Variants in HLA-DQA1 observed in about 807,000 individuals in gnomAD.
HLA-DQA1 encodes HLA class II histocompatibility antigen, DQ alpha 1 chain.
HLA-DQA1 carries 10 observed loss-of-function variants against 20.7 expected under a neutral mutation model. The ratio of observed to expected loss-of-function variants is 0.48; its 90% CI spans 0.30 to 0.82. HLA-DQA1 has a LOEUF of 0.82. Ranked by LOEUF, HLA-DQA1 falls within the 40% of genes least tolerant of loss-of-function variation. The pLI is 0.07. For synonymous variants in HLA-DQA1, 39 were observed against 109.2 expected (o/e 0.36, Z 4.01); for missense variants, 127 against 293.0 (o/e 0.43, Z 4.14).
the HLA-DQA1 span, among the ~76,000 whole-genome samples, chr6:32,652,666 A>G: frequency 6.9e-6 from 1 of 145,670 alleles, no homozygotes; most frequent in Admixed American, 7.1e-5. Flanking sequence ...ACGATATTGA[A>G]AAAAGGGTGC....
downstream of HLA-DQA1, among the ~76,000 whole-genome samples, chr6:32,651,374 G>A (rs1460389201): frequency 1.2e-5 from 1 of 82,658 alleles, no homozygotes; most frequent in African/African-American, 4.2e-5. Context: ...CATTAGGTCA[G>A]GAGATCAAGA....
At chr6:32,647,980 A>C (rs1226430634), downstream of HLA-DQA1, among the ~76,000 whole-genome samples, 5 of 150,604 alleles carry the variant, frequency 3.3e-5, no homozygotes, top group Non-Finnish European at 7.4e-5. Flanking sequence ...CAAACATGTA[A>C]TTACAAACTC....
downstream of HLA-DQA1, among the ~76,000 whole-genome samples, chr6:32,648,481 G>A (rs1404638162): frequency 1.9e-4 from 18 of 96,618 alleles, 7 homozygotes; most frequent in African/African-American, 5.4e-4. Flanking sequence ...TTCAACATAC[G>A]CAAATCAATA....
At chr6:32,640,985 T>C (rs80154958) in intron 1 of HLA-DQA1, among the ~76,000 whole-genome samples, 3,128 of 108,510 alleles carry the variant, frequency 0.029, 800 homozygotes, top group Middle Eastern at 0.071. Context: ...CTAAATACTA[T>C]GATAACTCAT....
chr6:32,642,533 C>A, intron 3 of HLA-DQA1, 77 bp from the exon 4 acceptor site: 2 of 1,237,486 alleles, frequency 1.6e-6, no homozygotes, highest in Non-Finnish European at 2.3e-6. Flanking sequence ...CAGAGCCAAC[C>A]CTCTACCCCA....
At chr6:32,652,229 C>G in the HLA-DQA1 span, among the ~76,000 whole-genome samples, 4 of 83,590 alleles carry the variant, frequency 4.8e-5, 2 homozygotes, top group Non-Finnish European at 1.0e-4. Context: ...TGCAGTGAGC[C>G]GAGATCATGC....
At chr6:32,654,099 C>T in the HLA-DQA1 span, among the ~76,000 whole-genome samples, 10,149 of 70,266 alleles carry the variant, frequency 0.14, 3,592 homozygotes, top group East Asian at 0.41. Flanking sequence ...GGTTGAGCCT[C>T]GTTCAAGACC....
downstream of HLA-DQA1, among the ~76,000 whole-genome samples, chr6:32,650,477 A>G (rs1490090170): frequency 1.0e-5 from 1 of 96,384 alleles, no homozygotes; most frequent in African/African-American, 3.6e-5. Flanking sequence ...TAGACTGGAT[A>G]AAGAAAATGT....
chr6:32,640,324 T>A (rs1781275937), intron 1 of HLA-DQA1, among the ~76,000 whole-genome samples: 1 of 100,494 alleles, frequency 1.0e-5, no homozygotes, highest in Non-Finnish European at 2.2e-5. Context: ...TCTCCGGCTA[T>A]GTCTGACACT....
rs9272785 is a variant in HLA-DQA1, at chr6:32,642,624, G to A, written c.628G>A (p.Ala210Thr). The change falls in exon 4 of 5, where the codon GCC (alanine) becomes ACC (threonine). Residue 210 changes from alanine to threonine, a missense_variant. Physicochemically the swap from Ala to Thr is moderately conservative, Grantham distance 58. Coordinates refer to ENST00000343139, the MANE Select transcript of HLA-DQA1 (RefSeq NM_002122.5). ...LLKHWEPEIP[A>T]PMSELTETVV... is the part of the protein sequence containing the mutation. ...CACTTCCACAGAGCCTGAGATTCCA[G>A]CCCCTATGTCAGAGCTCACAGAGAC... 0.11 allele frequency: 130,993 copies of A among 1,189,734 alleles called. 26,215 individuals are homozygous for A. The highest frequency in any genetic ancestry group is 0.25 in the East Asian group (7,302 of 29,314). The allele number at this position is 1,189,734 out of a possible 1,614,324, so 73.7% of individuals were successfully genotyped here.
At chr6:32,652,429 C>T in the HLA-DQA1 span, among the ~76,000 whole-genome samples, 17,266 of 80,750 alleles carry the variant, frequency 0.21, 4,144 homozygotes, top group South Asian at 0.26. Flanking sequence ...TAAAGTGAAA[C>T]TGTTAATCAG....
the HLA-DQA1 span, among the ~76,000 whole-genome samples, chr6:32,652,117 A>G: frequency 5.3e-5 from 5 of 93,664 alleles, 2 homozygotes; most frequent in South Asian, 1.7e-3. Context: ...CGTCTCTACT[A>G]AAAATACAAA....
downstream of HLA-DQA1, among the ~76,000 whole-genome samples, chr6:32,647,869 G>C (rs1178454363): frequency 6.6e-6 from 1 of 151,870 alleles, no homozygotes; most frequent in Non-Finnish European, 1.5e-5. Context: ...ACAATACTTT[G>C]TTATGAGTAT....
chr6:32,642,896 G>A lies in HLA-DQA1; in HGVS notation c.*21-56G>A, dbSNP rs1329910549. On this transcript the variant is annotated intron_variant, in intron 4 of 4. Coordinates refer to ENST00000343139, the MANE Select transcript of HLA-DQA1 (RefSeq NM_002122.5). Reference sequence around the variant, plus strand: ...TTGTAGGGGAATTGGGAAGTGGCATGATGATGACACAGGAGCCCCCTCGGA... The same window carrying A: ...TTGTAGGGGAATTGGGAAGTGGCATAATGATGACACAGGAGCCCCCTCGGA... The A allele has an allele frequency of 2.6e-6, 2 of 776,218 alleles. 1 individual carries two copies. The highest frequency in any genetic ancestry group is 3.9e-5 in the African/African-American group (2 of 51,242). The allele number at this position is 776,218 out of a possible 1,614,324, so 48.1% of individuals were successfully genotyped here.
downstream of HLA-DQA1, among the ~76,000 whole-genome samples, chr6:32,647,681 G>A (rs17612576): frequency 0.57 from 85,987 of 151,358 alleles, 24,631 homozygotes; most frequent in Middle Eastern, 0.7. Flanking sequence ...CTAAGTCTAT[G>A]GGAACCTCTC....
chr6:32,653,454 G>C, the HLA-DQA1 span, among the ~76,000 whole-genome samples: 1 of 95,282 alleles, frequency 1.0e-5, no homozygotes, highest in Non-Finnish European at 2.3e-5. Context: ...AGTAGAGATG[G>C]GGCTTCACTA....
intron 1 of HLA-DQA1, chr6:32,639,135 A>G (rs28383364): frequency 0.089 from 19,158 of 214,272 alleles, 4,306 homozygotes; most frequent in Admixed American, 0.1. Flanking sequence ...CCTTTCTTCA[A>G]CCTCACACCA....
chr6:32,651,260 A>G (rs1782171802), downstream of HLA-DQA1, among the ~76,000 whole-genome samples: 3 of 75,106 alleles, frequency 4.0e-5, no homozygotes, highest in African/African-American at 4.7e-5. Flanking sequence ...AGAAAGGTTG[A>G]AAAATGTAAT....
At chr6:32,640,274 T>C (rs1781269989) in intron 1 of HLA-DQA1, among the ~76,000 whole-genome samples, 1 of 98,830 alleles carries the variant, frequency 1.0e-5, no homozygotes, top group African/African-American at 3.5e-5. Context: ...ATTCAGTTTG[T>C]TCCTTAATAG....
Sources: allele counts gnomAD v4.1 joint callset (sites outside exome capture counted in the v4.1 genomes callset), GRCh38; gene constraint gnomAD v4.1.1; transcripts MANE v1.5; gene names NCBI Gene and HGNC (gene_info 2026-07-23, HGNC 2026-07-21).